The following CDH4 variants were observed in gnomAD, a reference collection of about 807,000 sequenced individuals.
CDH4 encodes cadherin-4.
In CDH4, 33 loss-of-function variants were observed where a neutral mutation model predicts 86.0. The ratio of observed to expected loss-of-function variants is 0.38; its 90% CI spans 0.29 to 0.51. CDH4 has a LOEUF of 0.51. CDH4 is among the 20% of genes least tolerant of loss of function. The pLI, the probability that CDH4 is intolerant of heterozygous loss-of-function variation, is 0.86. For missense variants in CDH4, 1,114 were observed against 1,307.4 expected (o/e 0.85, Z 2.28); for synonymous variants, 555 against 549.4 (o/e 1.01, Z -0.14).
chr20:61,923,483 G>A lies in CDH4; in HGVS notation c.1407G>A (p.Met469Ile). The A allele has an allele frequency of 1.2e-6, 2 of 1,614,190 alleles. No individual in the cohort carries two copies. The highest frequency in any genetic ancestry group is 1.7e-6 in the Non-Finnish European group (2 of 1,180,026). ...ACTACGAGCTCAACAGAGCTTTCAT[G>A]CTGACAGTGATGGTGTCCAACCAGG... ...AVDYELNRAFMLTVMVSNQAP... is the reference protein window; with the variant it reads ...AVDYELNRAFILTVMVSNQAP... Residue 469 changes from methionine (M) to isoleucine (I), a missense_variant, in exon 10 of 16, where the codon ATG becomes ATA. Physicochemically the swap from Met to Ile is conservative, Grantham distance 10 (BLOSUM62 1). This residue lies in a region of CDH4 where 705 missense variants were observed against 914.1 expected (regional missense o/e 0.77). Transcript: ENST00000614565.
In CDH4 at chr20:61,650,057, C is replaced by A. The variant is rs1190831493; in HGVS notation, c.170-93506C>A. On this transcript the variant is annotated intron_variant, in intron 2 of 15. Coordinates refer to ENST00000614565, the MANE Select transcript of CDH4 (RefSeq NM_001794.5). ...TGGGCACATTTCCTAAATGGGCAGT[C>A]AGCGGCTATCCCAGTCTTACCTGCC... Among the ~76,000 whole-genome samples the A allele has an allele frequency of 2.6e-5, 4 of 152,208 alleles. No individual in the cohort carries two copies. In the East Asian group the frequency reaches 7.7e-4, roughly 29 times the overall value.
chr20:61,508,058 GGCAT>G (rs1434990803), intron 2 of CDH4, among the ~76,000 whole-genome samples: 1 of 152,186 alleles, frequency 6.6e-6, no homozygotes, highest in Non-Finnish European at 1.5e-5. Flanking sequence ...GACCATGCTG[GGCAT>G]TCAAGTTTGC....
At chr20:61,298,043 T>C (rs959329365) in intron 2 of CDH4, among the ~76,000 whole-genome samples, 1 of 152,238 alleles carries the variant, frequency 6.6e-6, no homozygotes, top group Non-Finnish European at 1.5e-5. Flanking sequence ...GAGGAAGGCT[T>C]TGGCTATCAC....
At chr20:61,827,292 G>A (rs2046669810) in intron 4 of CDH4, among the ~76,000 whole-genome samples, 1 of 152,184 alleles carries the variant, frequency 6.6e-6, no homozygotes, top group South Asian at 2.1e-4. Context: ...GTGACTTTAA[G>A]ACGTGATAAT....
At chr20:61,288,407 C>T (rs1249822060) in intron 2 of CDH4, among the ~76,000 whole-genome samples, 3 of 152,222 alleles carry the variant, frequency 2.0e-5, no homozygotes, top group African/African-American at 7.2e-5. Flanking sequence ...CTGGGTGACC[C>T]TTTGTCCGCA....
At chr20:61,732,304 T>C (rs79654437) in intron 2 of CDH4, among the ~76,000 whole-genome samples, 1,831 of 152,294 alleles carry the variant, frequency 0.012, 43 homozygotes, top group African/African-American at 0.042. Context: ...CTGCACTGCC[T>C]CAGGGAAAAG....
At chr20:61,334,030 G>T (rs1383693517) in intron 2 of CDH4, among the ~76,000 whole-genome samples, 2 of 152,318 alleles carry the variant, frequency 1.3e-5, no homozygotes, top group Non-Finnish European at 2.9e-5. Flanking sequence ...ATCCTGGGAG[G>T]TGTCCCCTCT....
At chr20:61,847,785 A>T (rs1227242146) in intron 5 of CDH4, among the ~76,000 whole-genome samples, 2 of 149,088 alleles carry the variant, frequency 1.3e-5, no homozygotes, top group Admixed American at 6.7e-5. Flanking sequence ...GGCAGGAGTG[A>T]GAGAGAGAGA....
chr20:61,936,426 C>CG (rs1254205180), intron 15 of CDH4, among the ~76,000 whole-genome samples: 1 of 62,510 alleles, frequency 1.6e-5, no homozygotes, highest in South Asian at 7.8e-4. Flanking sequence ...ACACCCCCCC[C>CG]CCCATCTGCC....
At chr20:61,281,045 A>G (rs1382927435) in intron 2 of CDH4, among the ~76,000 whole-genome samples, 4 of 152,132 alleles carry the variant, frequency 2.6e-5, no homozygotes, top group Non-Finnish European at 5.9e-5. Context: ...ACTAGGAGGG[A>G]CATAATGGTA....
At chr20:61,781,871 G>A (rs907399136) in intron 4 of CDH4, among the ~76,000 whole-genome samples, 1 of 152,200 alleles carries the variant, frequency 6.6e-6, no homozygotes, top group South Asian at 2.1e-4. Flanking sequence ...AGAGGAAAAG[G>A]TGCAATATGT....
chr20:61,686,186 C>T (rs527528353), intron 2 of CDH4, among the ~76,000 whole-genome samples: 8 of 152,180 alleles, frequency 5.3e-5, no homozygotes, highest in Non-Finnish European at 1.5e-5. Flanking sequence ...CACGAAACTC[C>T]TAGAGTTCTA....
rs545227228 is a variant in CDH4 at position 61,425,859 on chromosome 20, C to T, written c.169+170922C>T. ...AATTGCAGTACATTCTCAAAGGCCC[C>T]GCCCAGGGCAGAATGGCCAATTGCA... is the stretch of plus-strand genomic sequence containing the variant. On this transcript the variant is annotated intron_variant, in intron 2 of 15. Coordinates refer to ENST00000614565, the MANE Select transcript of CDH4 (RefSeq NM_001794.5). Among the ~76,000 whole-genome samples, 99 of 150,122 alleles carry T rather than the reference C, an allele frequency of 6.6e-4. 1 individual carries two copies. Among genetic ancestry groups the T allele is most frequent in the Middle Eastern group, 3.5e-3 (1 of 284 alleles).
chr20:61,462,565 C>T (rs545604634), intron 2 of CDH4, among the ~76,000 whole-genome samples: 17 of 120,282 alleles, frequency 1.4e-4, no homozygotes, highest in Admixed American at 1.2e-3. Context: ...TCCCACCACT[C>T]ACTCAGCTTG....
chr20:61,622,971 C>T (rs543750674), intron 2 of CDH4, among the ~76,000 whole-genome samples: 33 of 152,294 alleles, frequency 2.2e-4, no homozygotes, highest in Non-Finnish European at 2.6e-4. Flanking sequence ...AGCCCTCACT[C>T]GGAAGCTGCT....
chr20:61,537,885 G>A (rs182244581), intron 2 of CDH4, among the ~76,000 whole-genome samples: 169 of 152,292 alleles, frequency 1.1e-3, no homozygotes, highest in African/African-American at 3.6e-3. Flanking sequence ...CGAGCGAGTC[G>A]GCTGCGTGGC....
chr20:61,931,763 G>A (rs62205052), intron 13 of CDH4, among the ~76,000 whole-genome samples: 15,491 of 152,240 alleles, frequency 0.1, 1,112 homozygotes, highest in Non-Finnish European at 0.15. Context: ...GCTGTTTAGG[G>A]GAGCCAGGGC....
At chr20:61,315,855 C>T (rs1203068517) in intron 2 of CDH4, among the ~76,000 whole-genome samples, 1 of 152,144 alleles carries the variant, frequency 6.6e-6, no homozygotes, top group Non-Finnish European at 1.5e-5. Flanking sequence ...AGGTGTACAC[C>T]ACCATGTCCA....
At chr20:61,714,897 G>A (rs925868457) in intron 2 of CDH4, among the ~76,000 whole-genome samples, 2 of 152,182 alleles carry the variant, frequency 1.3e-5, no homozygotes, top group Non-Finnish European at 2.9e-5. Context: ...TTTTGATGCG[G>A]TGACGTCTTT....
Sources: allele counts gnomAD v4.1 joint callset (sites outside exome capture counted in the v4.1 genomes callset), GRCh38; gene constraint gnomAD v4.1.1; regional missense constraint gnomAD v4.1.1; transcripts MANE v1.5; gene names NCBI Gene and HGNC (gene_info 2026-07-23, HGNC 2026-07-21).